RNF152: variants seen among roughly 807,000 people sequenced by gnomAD.
RNF152 encodes E3 ubiquitin-protein ligase RNF152.
A neutral mutation model predicts 12.7 loss-of-function variants in RNF152; 11 were observed. The ratio of observed to expected loss-of-function variants is 0.86; its 90% CI spans 0.54 to 1.43. RNF152 has a LOEUF of 1.43. RNF152 is among the 40% of genes most tolerant of loss of function. RNF152 has a pLI of 0.00. For synonymous variants in RNF152, 113 were observed against 120.3 expected, an observed-to-expected ratio of 0.94 and a Z score of 0.40; for missense variants, 255 against 274.8, an observed-to-expected ratio of 0.93 and a Z score of 0.51.
intron 1 of RNF152, among the ~76,000 whole-genome samples, chr18:61,836,241 T>G (rs963822672): frequency 1.3e-5 from 2 of 151,824 alleles, no homozygotes; most frequent in African/African-American, 4.8e-5. Flanking sequence ...CGTGGGGACA[T>G]GGGGACATGT....
chr18:61,843,728 T>C (rs1229796532), intron 1 of RNF152, among the ~76,000 whole-genome samples: 1 of 152,150 alleles, frequency 6.6e-6, no homozygotes, highest in African/African-American at 2.4e-5. Context: ...GTGATTCCAC[T>C]TACATGAGGT....
chr18:61,862,560 C>T (rs935276020), intron 1 of RNF152, among the ~76,000 whole-genome samples: 3 of 152,190 alleles, frequency 2.0e-5, no homozygotes, highest in Non-Finnish European at 4.4e-5. Flanking sequence ...AAAACCCAAG[C>T]GGACAGGGTT....
At chr18:61,853,108 C>A in intron 1 of RNF152, among the ~76,000 whole-genome samples, 1 of 152,134 alleles carries the variant, frequency 6.6e-6, no homozygotes, top group Non-Finnish European at 1.5e-5. Flanking sequence ...CTGGGATAGG[C>A]AAGTTTATTA....
intron 1 of RNF152, among the ~76,000 whole-genome samples, chr18:61,878,009 C>A (rs1235996251): frequency 6.6e-6 from 1 of 152,172 alleles, no homozygotes; most frequent in Admixed American, 6.5e-5. Context: ...CTGCCATATC[C>A]TAGGACTTCA....
intron 1 of RNF152, among the ~76,000 whole-genome samples, chr18:61,820,113 A>C (rs1335301534): frequency 6.6e-6 from 1 of 150,386 alleles, no homozygotes; most frequent in Non-Finnish European, 1.5e-5. Context: ...GCGGATCACG[A>C]GGTCAGGAGA....
At chr18:61,858,910 C>A (rs1192410980) in intron 1 of RNF152, among the ~76,000 whole-genome samples, 1 of 152,160 alleles carries the variant, frequency 6.6e-6, no homozygotes, top group Non-Finnish European at 1.5e-5. Flanking sequence ...AAAACAAAAA[C>A]TAAATTTGGG....
Position 61,809,098 on chromosome 18 carries a change from A to G in RNF152, c.*6754T>C, listed in dbSNP as rs919935625. 4 of 152,180 alleles carry G rather than the reference A, an allele frequency of 2.6e-5. No individual in the cohort carries two copies. The highest frequency in any genetic ancestry group is 2.0e-4 in the Admixed American group (3 of 15,272). 9.4% of individuals were successfully genotyped at this position (152,180 alleles called of 1,614,324 possible). On this transcript the variant is annotated 3_prime_UTR_variant, in exon 2 of 2. Coordinates refer to ENST00000312828, the MANE Select transcript of RNF152 (RefSeq NM_173557.3). ...CTGCCATATCTGGCCTTCAGCTCCTATATGTCTTGTTTTGCAGCTATACTC... is the reference window on the plus strand; with the variant it reads ...CTGCCATATCTGGCCTTCAGCTCCTGTATGTCTTGTTTTGCAGCTATACTC...
chr18:61,881,757 A>G (rs1388563500), intron 1 of RNF152, among the ~76,000 whole-genome samples: 2 of 152,194 alleles, frequency 1.3e-5, no homozygotes, highest in Non-Finnish European at 2.9e-5. Flanking sequence ...TTTAAGGAGC[A>G]CAAAGAGAGG....
At position 61,814,864 on chromosome 18, in the gene RNF152, A is replaced by T. The variant is rs1200791374; in HGVS notation, c.*988T>A. Reference sequence around the variant, plus strand: ...TGCCTCTTACAAAATGCAGGACTTAAATACACAGAAGAGGAGCGAGTGTTG... The same window carrying T: ...TGCCTCTTACAAAATGCAGGACTTATATACACAGAAGAGGAGCGAGTGTTG... On this transcript the variant is annotated 3_prime_UTR_variant, in exon 2 of 2. Coordinates refer to ENST00000312828, the MANE Select transcript of RNF152 (RefSeq NM_173557.3). The T allele has an allele frequency of 6.6e-6, 1 of 152,206 alleles. No individual in the cohort carries two copies. Among genetic ancestry groups the T allele is most frequent in the Non-Finnish European group, 1.5e-5 (1 of 68,036 alleles). The allele number at this position is 152,206 out of a possible 1,614,324, so 9.4% of individuals were successfully genotyped here.
chr18:61,852,812 T>C (rs1911048085), intron 1 of RNF152, among the ~76,000 whole-genome samples: 1 of 152,182 alleles, frequency 6.6e-6, no homozygotes. Flanking sequence ...GGCACACACC[T>C]GCCTGCTCCC....
chr18:61,830,773 G>GAA (rs1236920949), intron 1 of RNF152, among the ~76,000 whole-genome samples: 1 of 139,238 alleles, frequency 7.2e-6, no homozygotes, highest in Non-Finnish European at 1.6e-5. Flanking sequence ...AAGGAGTATA[G>GAA]AAAAGATCCC....
At chr18:61,842,295 T>G (rs1327918981) in intron 1 of RNF152, among the ~76,000 whole-genome samples, 1 of 152,230 alleles carries the variant, frequency 6.6e-6, no homozygotes, top group Non-Finnish European at 1.5e-5. Context: ...GAAAGCCCCT[T>G]TGTGGCCTAG....
At chr18:61,889,233 G>C (rs1912837475) in intron 1 of RNF152, among the ~76,000 whole-genome samples, 1 of 152,120 alleles carries the variant, frequency 6.6e-6, no homozygotes, top group South Asian at 2.1e-4. Flanking sequence ...CTGTGACTTG[G>C]AGACTAACAT....
chr18:61,820,185 C>T (rs1909320910), intron 1 of RNF152, among the ~76,000 whole-genome samples: 1 of 149,576 alleles, frequency 6.7e-6, no homozygotes, highest in Admixed American at 6.6e-5. Context: ...AAAAATTAGC[C>T]AGGCATGGTG....
In RNF152 at chr18:61,816,092, C is replaced by T. The variant is rs553708457; in HGVS notation, c.372G>A (p.Gly124=). 2 of 1,614,198 alleles carry T rather than the reference C, an allele frequency of 1.2e-6. No individual in the cohort carries two copies. The highest frequency in any genetic ancestry group is 2.2e-5 in the East Asian group (1 of 44,880). The change falls in exon 2 of 2, where the codon GGG becomes GGA. Residue 124 remains glycine, a synonymous_variant. Transcript: ENST00000312828. The part of the protein sequence containing the change: ...PGDMGCRLLP[G]SQQKSVTVVT... ...CCACGGTGACGGACTTCTGCTGGCT[C>T]CCGGGCAGCAGGCGGCAGCCCATGT... is the stretch of plus-strand genomic sequence containing the variant.
Position 61,816,424 on chromosome 18 carries a change from T to C in RNF152, c.40A>G (p.Ile14Val). ...CGGGGGCTGTAGTAATTGAAACAGATCTGACATTCCAGCAGAGAGTCCTGG... is the reference window on the plus strand; with the variant it reads ...CGGGGGCTGTAGTAATTGAAACAGACCTGACATTCCAGCAGAGAGTCCTGG... ...LSQDSLLECQ[I>V]CFNYYSPRRR... is the part of the protein sequence containing the mutation. The change falls in exon 2 of 2, where the codon ATC (isoleucine) becomes GTC (valine). Residue 14 changes from isoleucine to valine, a missense_variant. Ile to Val is a conservative substitution (Grantham distance 29). Transcript: ENST00000312828. 6.2e-7 allele frequency: 1 copy of C among 1,611,492 alleles called. No individual in the cohort carries two copies. The highest frequency in any genetic ancestry group is 8.5e-7 in the Non-Finnish European group (1 of 1,178,074).
chr18:61,860,480 T>C (rs545816401), intron 1 of RNF152, among the ~76,000 whole-genome samples: 1 of 152,350 alleles, frequency 6.6e-6, no homozygotes, highest in East Asian at 1.9e-4. Flanking sequence ...CATCAGAGCA[T>C]TGTTGCACTG....
chr18:61,887,444 T>A (rs930402849), intron 1 of RNF152, among the ~76,000 whole-genome samples: 1 of 152,036 alleles, frequency 6.6e-6, no homozygotes. Flanking sequence ...CCTGGCTAGG[T>A]GCGGTGGCTC....
chr18:61,891,254 A>G (rs1228052906), intron 1 of RNF152, among the ~76,000 whole-genome samples: 1 of 152,194 alleles, frequency 6.6e-6, no homozygotes. Flanking sequence ...CCTCCTTCTT[A>G]TATAAAAAAA....
Sources: allele counts gnomAD v4.1 joint callset (sites outside exome capture counted in the v4.1 genomes callset), GRCh38; gene constraint gnomAD v4.1.1; transcripts MANE v1.5; gene names NCBI Gene and HGNC (gene_info 2026-07-23, HGNC 2026-07-21).